CXorf58: variants seen among roughly 807,000 people sequenced by gnomAD.
CXorf58 encodes the protein uncharacterized protein CXorf58.
CXorf58 carries 24 observed loss-of-function variants against 26.0 expected under a neutral mutation model. The ratio of observed to expected loss-of-function variants is 0.92; its 90% CI spans 0.67 to 1.30. The LOEUF (loss-of-function observed/expected upper bound fraction) is 1.30, where lower values mean the gene tolerates loss of function less well. Among genes scored for constraint, CXorf58 ranks in the 50% most tolerant of loss-of-function variants. The probability of loss-of-function intolerance (pLI) is 0.00; values close to 1 mark genes in which losing one functional copy is unlikely to be tolerated. For synonymous variants in CXorf58, 87 were observed against 86.1 expected (o/e 1.01, Z -0.06); for missense variants, 236 against 263.9 (o/e 0.89, Z 0.73).
intron 7 of CXorf58, 104 bp from the exon 8 acceptor site, chrX:23,938,443 T>G: frequency 1.7e-6 from 1 of 586,594 alleles, no homozygotes; most frequent in Non-Finnish European, 2.6e-6. Context: ...TGCTAAGGTC[T>G]GTGATATATT....
intron 7 of CXorf58, among the ~76,000 whole-genome samples, chrX:23,937,593 T>C (rs1349500474): frequency 9.2e-6 from 1 of 109,087 alleles, no homozygotes; most frequent in African/African-American, 3.3e-5. Flanking sequence ...GCCTGGCTAA[T>C]TTTGTATTTT....
intron 3 of CXorf58, among the ~76,000 whole-genome samples, chrX:23,914,719 C>T (rs1927675161): frequency 9.1e-6 from 1 of 109,916 alleles, no homozygotes; most frequent in Admixed American, 9.7e-5. Flanking sequence ...AACCCCATCT[C>T]TATTAAAAAT....
chrX:23,916,461 T>G, intron 5 of CXorf58, 133 bp downstream of exon 5: 1 of 391,731 alleles, frequency 2.6e-6, no homozygotes, highest in South Asian at 5.2e-5. Context: ...GTGTGTTTTT[T>G]TTTAAGCACC....
intron 5 of CXorf58, among the ~76,000 whole-genome samples, chrX:23,919,211 AC>A (rs969195387): frequency 9.0e-6 from 1 of 110,931 alleles, no homozygotes; most frequent in African/African-American, 3.3e-5. Flanking sequence ...TCTTAGATTC[AC>A]CCTTTTGAGG....
At chrX:23,921,431 G>C (rs1927864391) in intron 5 of CXorf58, among the ~76,000 whole-genome samples, 1 of 111,678 alleles carries the variant, frequency 9.0e-6, no homozygotes, top group African/African-American at 3.2e-5. Flanking sequence ...TATTATAAAA[G>C]TGTGGTCATA....
chrX:23,928,043 T>C (rs1208740069), intron 6 of CXorf58, among the ~76,000 whole-genome samples: 1 of 111,882 alleles, frequency 8.9e-6, no homozygotes, highest in Non-Finnish European at 1.9e-5. Flanking sequence ...AAGGAAATCA[T>C]GTGATATATG....
intron 6 of CXorf58, among the ~76,000 whole-genome samples, chrX:23,930,788 C>A (rs1234195789): frequency 9.0e-6 from 1 of 111,226 alleles, no homozygotes; most frequent in Non-Finnish European, 1.9e-5. Flanking sequence ...GAGATGGGAT[C>A]TTGCTATGTT....
At chrX:23,915,861 T>A in intron 4 of CXorf58, 67 bp downstream of exon 4, 2 of 610,400 alleles carry the variant, frequency 3.3e-6, no homozygotes, top group Non-Finnish European at 5.1e-6. Context: ...TAGATATGGA[T>A]TTTTTAAATT....
chrX:23,926,199 G>A (rs993347354), intron 5 of CXorf58, among the ~76,000 whole-genome samples: 3 of 110,654 alleles, frequency 2.7e-5, no homozygotes, highest in African/African-American at 9.8e-5. Flanking sequence ...TACTTATGGC[G>A]GGGGTGCAGA....
chrX:23,910,763 T>TC (rs1452519597), intron 2 of CXorf58, among the ~76,000 whole-genome samples: 9 of 87,821 alleles, frequency 1.0e-4, no homozygotes, highest in African/African-American at 3.0e-4. Flanking sequence ...TTCCTTTCTT[T>TC]TTTTTTTTTT....
chrX:23,925,494 C>T (rs779955464), intron 5 of CXorf58, among the ~76,000 whole-genome samples: 3 of 109,297 alleles, frequency 2.7e-5, no homozygotes, highest in Non-Finnish European at 3.8e-5. Flanking sequence ...TTTACAGGCA[C>T]ATGCCACCAT....
intron 8 of CXorf58, 136 bp downstream of exon 8, chrX:23,938,836 A>T: frequency 2.3e-6 from 1 of 439,038 alleles, no homozygotes; most frequent in Non-Finnish European, 3.8e-6. Context: ...TATCATAGGT[A>T]GTATAAAGTG....
At chrX:23,926,763 A>G (rs1220772269) in intron 5 of CXorf58, among the ~76,000 whole-genome samples, 1 of 112,521 alleles carries the variant, frequency 8.9e-6, no homozygotes, top group African/African-American at 3.2e-5. Context: ...GCTCACGCCT[A>G]TAATCCCGCA....
At chrX:23,917,334 CAAAAAAA>C (rs1188697974) in intron 5 of CXorf58, among the ~76,000 whole-genome samples, 11 of 88,309 alleles carry the variant, frequency 1.2e-4, no homozygotes, top group African/African-American at 4.4e-4. Flanking sequence ...GATTCTATCT[CAAAAAAA>C]AAAAAAAAAA....
intron 6 of CXorf58, among the ~76,000 whole-genome samples, chrX:23,933,884 C>CA (rs60513618): frequency 2.6e-3 from 248 of 94,293 alleles, no homozygotes; most frequent in East Asian, 0.013. Flanking sequence ...CCGTCCCCCC[C>CA]AAAAAAAAAA....
At chrX:23,913,676 G>A (rs964589694) in intron 3 of CXorf58, among the ~76,000 whole-genome samples, 1 of 111,204 alleles carries the variant, frequency 9.0e-6, no homozygotes. Context: ...AGGCCGAGGC[G>A]GGTGGATTGC....
At chrX:23,917,671 G>A (rs1343266448) in intron 5 of CXorf58, among the ~76,000 whole-genome samples, 1 of 111,135 alleles carries the variant, frequency 9.0e-6, no homozygotes, top group Non-Finnish European at 1.9e-5. Flanking sequence ...GCCCGCCTCG[G>A]CATCCCAAAG....
intron 6 of CXorf58, among the ~76,000 whole-genome samples, chrX:23,927,581 T>A (rs529225710): frequency 5.4e-5 from 6 of 111,098 alleles, no homozygotes; most frequent in East Asian, 2.8e-4. Flanking sequence ...TCTTTTAAAA[T>A]TTTTTTTTAA....
In CXorf58 at chrX:23,913,611, C is replaced by T. The variant is rs940746463; in HGVS notation, c.216+1755C>T. On this transcript the variant is annotated intron_variant, in intron 3 of 8. Coordinates refer to ENST00000379211, the MANE Select transcript of CXorf58 (RefSeq NM_152761.3). Reference sequence around the variant, plus strand: ...TTCTGATGTCAGTAAAAGCAGAATACGGCTGGGCACAGTGGCTCACACCTG... The same window carrying T: ...TTCTGATGTCAGTAAAAGCAGAATATGGCTGGGCACAGTGGCTCACACCTG... 2.7e-5 allele frequency among the ~76,000 whole-genome samples: 3 copies of T among 112,013 alleles called. No individual in the cohort carries two copies. In the Admixed American group the frequency reaches 2.8e-4, roughly 11 times the overall value.
Sources: gnomAD v4.1 joint callset for allele counts (sites outside exome capture counted in the v4.1 genomes callset) on GRCh38, gnomAD v4.1.1 for gene constraint, MANE v1.5 for transcripts, NCBI Gene and HGNC (gene_info 2026-07-23, HGNC 2026-07-21) for gene names.